RFX3: variants seen among roughly 807,000 people sequenced by gnomAD.
The protein encoded by RFX3 is regulatory factor X3, also known as transcription factor RFX3.
In RFX3, 14 loss-of-function variants were observed where a neutral mutation model predicts 98.6. That is an observed-to-expected ratio of 0.14 (90% CI 0.09 to 0.22). RFX3 has a LOEUF of 0.22. RFX3 is among the 10% of genes least tolerant of loss of function. The pLI, the probability that RFX3 is intolerant of heterozygous loss-of-function variation, is 1.00. For synonymous variants in RFX3, 383 were observed against 328.4 expected (o/e 1.17, Z -1.80); for missense variants, 639 against 926.9 (o/e 0.69, Z 4.03).
At chr9:3,380,563 A>G (rs906620549) in intron 2 of RFX3, among the ~76,000 whole-genome samples, 5 of 152,184 alleles carry the variant, frequency 3.3e-5, no homozygotes, top group African/African-American at 1.2e-4. Context: ...TGTAAGTGGC[A>G]GACCTGGCAT....
At chr9:3,384,496 T>C (rs893634295) in intron 2 of RFX3, among the ~76,000 whole-genome samples, 3 of 152,130 alleles carry the variant, frequency 2.0e-5, no homozygotes, top group African/African-American at 7.2e-5. Context: ...TCCTCGCCCA[T>C]AAAAGGCAGA....
rs1176054268 is a variant in RFX3, at chr9:3,220,701, G to C, written c.*4341C>G. Reference sequence around the variant, plus strand: ...TATAGAGTATACTTTACCGGTCTAAGTCTAAATAAATGATCTGAAAGGCTT... The same window carrying C: ...TATAGAGTATACTTTACCGGTCTAACTCTAAATAAATGATCTGAAAGGCTT... On this transcript the variant is annotated 3_prime_UTR_variant, in exon 17 of 17. Transcript: ENST00000617270. The C allele has an allele frequency of 6.6e-6, 1 of 151,750 alleles. No homozygotes were observed. The highest frequency in any genetic ancestry group is 1.5e-5 in the Non-Finnish European group (1 of 67,952). The allele number at this position is 151,750 out of a possible 1,614,324, so 9.4% of individuals were successfully genotyped here. A position where few individuals can be genotyped will look rare whatever the true frequency, so the allele number is the denominator to read the frequency against.
At chr9:3,336,693 A>T (rs1469381208) in intron 3 of RFX3, among the ~76,000 whole-genome samples, 2 of 152,182 alleles carry the variant, frequency 1.3e-5, no homozygotes, top group Non-Finnish European at 2.9e-5. Context: ...AATGAGGTTA[A>T]GGAAGGTAAA....
intron 1 of RFX3, among the ~76,000 whole-genome samples, chr9:3,504,167 A>C (rs1457194621): frequency 1.0e-5 from 1 of 97,428 alleles, no homozygotes; most frequent in Non-Finnish European, 1.7e-5. Context: ...TATATTATAT[A>C]TATTATATAT....
intron 2 of RFX3, among the ~76,000 whole-genome samples, chr9:3,371,996 G>C (rs1003251539): frequency 6.6e-6 from 1 of 152,084 alleles, no homozygotes; most frequent in Admixed American, 6.6e-5. Context: ...GATTACCTAA[G>C]GTAGTCATTA....
rs1181506671 is a variant in RFX3, at chr9:3,222,000, A to C, written c.*3042T>G. 6.6e-6 allele frequency: 1 copy of C among 152,162 alleles called. No homozygotes were observed. 9.4% of individuals were successfully genotyped at this position (152,162 alleles called of 1,614,324 possible). ...ATAAATCTGTTGAGTGTTAGTGTCT[A>C]ATATTATTTAGAAAACCCACACTTT... On this transcript the variant is annotated 3_prime_UTR_variant, in exon 17 of 17. Transcript: ENST00000617270.
At position 3,224,889 on chromosome 9, in the gene RFX3, T is replaced by C. The variant is rs752477122; in HGVS notation, c.*153A>G. ...CGTTAAAAAAAAAGATCTGGCAAAA[T>C]ACATACACCCATTCCATTTCACAAC... On this transcript the variant is annotated 3_prime_UTR_variant, in exon 17 of 17. Transcript: ENST00000617270. 6 of 687,234 alleles carry C rather than the reference T, an allele frequency of 8.7e-6. No individual in the cohort carries two copies. The highest frequency in any genetic ancestry group is 1.4e-5 in the Non-Finnish European group (6 of 415,880). The allele number at this position is 687,234 out of a possible 1,614,324, so 42.6% of individuals were successfully genotyped here. A position where few individuals can be genotyped will look rare whatever the true frequency, so the allele number is the denominator to read the frequency against.
chr9:3,428,078 T>G (rs1844288575), intron 1 of RFX3, among the ~76,000 whole-genome samples: 1 of 152,142 alleles, frequency 6.6e-6, no homozygotes, highest in Admixed American at 6.5e-5. Flanking sequence ...AATCACAGTC[T>G]TGCACTGTCT....
chr9:3,493,325 C>T (rs1850856363), intron 1 of RFX3, among the ~76,000 whole-genome samples: 1 of 152,134 alleles, frequency 6.6e-6, no homozygotes, highest in South Asian at 2.1e-4. Context: ...ATCTATCCTA[C>T]ACAGATGTGC....
intron 3 of RFX3, among the ~76,000 whole-genome samples, chr9:3,339,861 C>G (rs1833661351): frequency 6.6e-6 from 1 of 152,144 alleles, no homozygotes; most frequent in South Asian, 2.1e-4. Flanking sequence ...CCATCACCAT[C>G]AAGCTACCGA....
At chr9:3,249,353 T>C (rs989620692) in intron 14 of RFX3, among the ~76,000 whole-genome samples, 5 of 152,210 alleles carry the variant, frequency 3.3e-5, no homozygotes, top group African/African-American at 1.2e-4. Context: ...TGAATTCTGA[T>C]TCTGTCTCTT....
At chr9:3,389,871 G>A (rs1396216753) in intron 2 of RFX3, among the ~76,000 whole-genome samples, 1 of 152,110 alleles carries the variant, frequency 6.6e-6, no homozygotes, top group African/African-American at 2.4e-5. Context: ...TTTCAGGTAA[G>A]TAATATTCGC....
chr9:3,423,807 A>ATATATATATATATC, intron 1 of RFX3, among the ~76,000 whole-genome samples: 1 of 142,474 alleles, frequency 7.0e-6, no homozygotes, highest in Admixed American at 7.1e-5. Context: ...ATATATATAT[A>ATATATATATATATC]TATATCTTAA....
chr9:3,473,151 A>G (rs909401694), intron 1 of RFX3, among the ~76,000 whole-genome samples: 2 of 152,118 alleles, frequency 1.3e-5, no homozygotes, highest in Admixed American at 1.3e-4. Flanking sequence ...TCACCTGTGG[A>G]ATTATCTCCA....
intron 1 of RFX3, among the ~76,000 whole-genome samples, chr9:3,441,765 A>G (rs1399474975): frequency 1.3e-5 from 2 of 152,238 alleles, no homozygotes; most frequent in African/African-American, 4.8e-5. Flanking sequence ...AGAATTTCAA[A>G]GAACTTATGT....
chr9:3,317,855 T>G (rs1563917573), intron 4 of RFX3, among the ~76,000 whole-genome samples: 1 of 152,152 alleles, frequency 6.6e-6, no homozygotes, highest in African/African-American at 2.4e-5. Context: ...TGGCGATCAT[T>G]AAAAAGTCAG....
chr9:3,391,792 A>C (rs1018295258), intron 2 of RFX3, among the ~76,000 whole-genome samples: 2 of 152,186 alleles, frequency 1.3e-5, no homozygotes, highest in Non-Finnish European at 2.9e-5. Flanking sequence ...GATTCTACTT[A>C]AGAAGCAATC....
chr9:3,401,096 C>T (rs1319886381), intron 1 of RFX3, among the ~76,000 whole-genome samples: 2 of 152,152 alleles, frequency 1.3e-5, no homozygotes, highest in African/African-American at 4.8e-5. Context: ...GAAAGACATC[C>T]CCTCTCTCTG....
intron 1 of RFX3, among the ~76,000 whole-genome samples, chr9:3,414,471 A>T (rs1169650187): frequency 6.6e-6 from 1 of 151,250 alleles, no homozygotes; most frequent in Non-Finnish European, 1.5e-5. Flanking sequence ...CACTGCAGTA[A>T]ATACCACTAA....
Sources: gnomAD v4.1 joint callset for allele counts (sites outside exome capture counted in the v4.1 genomes callset) on GRCh38, gnomAD v4.1.1 for gene constraint, MANE v1.5 for transcripts, NCBI Gene and HGNC (gene_info 2026-07-23, HGNC 2026-07-21) for gene names.